The following MMP1 variants were observed in gnomAD, a reference collection of about 807,000 sequenced individuals.
MMP1 encodes the protein interstitial collagenase.
Under a neutral mutation model 49.6 loss-of-function variants are expected in MMP1, and 51 were observed. The ratio of observed to expected loss-of-function variants is 1.03; its 90% CI spans 0.82 to 1.30. The LOEUF (loss-of-function observed/expected upper bound fraction) is 1.30. Ranked by LOEUF, MMP1 falls within the 50% of genes most tolerant of loss-of-function variation. The pLI is 0.00. For synonymous variants in MMP1, 230 were observed against 196.8 expected (o/e 1.17, Z -1.41); for missense variants, 623 against 568.7 (o/e 1.10, Z -0.97).
chr11:102,790,607 G>C (rs551852746), intron 9 of MMP1, 86 bp from the exon 10 acceptor site: 28 of 1,311,892 alleles, frequency 2.1e-5, no homozygotes, highest in Non-Finnish European at 3.0e-5. Flanking sequence ...ATTCATCTGT[G>C]AGCACAGATA....
intron 2 of MMP1, 43 bp from the exon 3 acceptor site, chr11:102,797,205 T>A (rs1422986466): frequency 6.2e-7 from 1 of 1,613,624 alleles, no homozygotes; most frequent in Non-Finnish European, 8.5e-7. Flanking sequence ...CATGACTTCT[T>A]ACCACTGTCA....
At chr11:102,797,879 A>G in intron 1 of MMP1, 109 bp downstream of exon 1, 3 of 853,354 alleles carry the variant, frequency 3.5e-6, no homozygotes, top group Admixed American at 6.0e-5. Context: ...TAGCAAAAAA[A>G]AAAAAAATCT....
chr11:102,797,970 A>G lies in MMP1; in HGVS notation c.105+18T>C. The stretch of plus-strand genomic sequence containing the variant: ...AACTAAAAATTTACATTATTGTCAC[A>G]TGCAATGCAGCATTTACCTGGACTA... On this transcript the variant is annotated intron_variant, in intron 1 of 9. Coordinates refer to ENST00000315274, the MANE Select transcript of MMP1 (RefSeq NM_002421.4). 6.5e-7 allele frequency: 1 copy of G among 1,547,418 alleles called. No homozygotes were observed.
At chr11:102,795,420 C>T in intron 5 of MMP1, 32 bp downstream of exon 5, 1 of 1,609,332 alleles carries the variant, frequency 6.2e-7, no homozygotes, top group Non-Finnish European at 8.5e-7. Flanking sequence ...GACCACCAGG[C>T]CCTTGTCCGT....
intron 6 of MMP1, among the ~76,000 whole-genome samples, chr11:102,793,749 C>T (rs972718976): frequency 6.6e-6 from 1 of 152,152 alleles, no homozygotes; most frequent in Admixed American, 6.5e-5. Flanking sequence ...TTTGTTGTCC[C>T]TTGGTTAGTA....
chr11:102,793,798 T>C (rs17883332), intron 6 of MMP1, among the ~76,000 whole-genome samples: 15 of 152,184 alleles, frequency 9.9e-5, no homozygotes, highest in African/African-American at 3.6e-4. Flanking sequence ...TAATAGGGAC[T>C]AGGGTAACAG....
intron 7 of MMP1, 97 bp from the exon 8 acceptor site, chr11:102,791,592 G>GT: frequency 1.5e-6 from 2 of 1,312,752 alleles, no homozygotes; most frequent in East Asian, 2.3e-5. Context: ...TGCTAGTGCA[G>GT]TACCCTGGCT....
At chr11:102,796,553 A>G (rs1858196203) in intron 4 of MMP1, 111 bp downstream of exon 4, 1 of 1,250,522 alleles carries the variant, frequency 8.0e-7, no homozygotes, top group African/African-American at 1.5e-5. Context: ...TCTGAGTGGT[A>G]ATAGAAAAAT....
chr11:102,797,825 G>A (rs1858244437), intron 1 of MMP1, among the ~76,000 whole-genome samples, 163 bp downstream of exon 1: 1 of 151,668 alleles, frequency 6.6e-6, no homozygotes, highest in Non-Finnish European at 1.5e-5. Context: ...GAAAAAGAGA[G>A]CGTATGCATG....
At position 102,794,728 on chromosome 11, in the gene MMP1, C is replaced by T. The variant is rs1034747290; in HGVS notation, c.899+446G>A. Among the ~76,000 whole-genome samples the T allele has an allele frequency of 3.9e-5, 6 of 152,104 alleles. No individual in the cohort carries two copies. The highest frequency in any genetic ancestry group is 1.4e-4 in the African/African-American group (6 of 41,404). On this transcript the variant is annotated intron_variant, in intron 6 of 9. Transcript: ENST00000315274. The surrounding 1 kb of genome is among the most constrained non-coding windows in gnomAD (Gnocchi z 4.3). ...AGATAATTAAAGGATGGCTATGCAA[C>T]CCTCATCAGTGAGATGTTGCTATGG...
At chr11:102,792,565 T>C in intron 7 of MMP1, 40 bp downstream of exon 7, 1 of 1,595,758 alleles carries the variant, frequency 6.3e-7, no homozygotes, top group Non-Finnish European at 8.6e-7. Context: ...GAATGAAAAA[T>C]TGATTTATTA....
intron 8 of MMP1, 82 bp downstream of exon 8, chr11:102,791,251 A>G (rs531312131): frequency 3.4e-6 from 5 of 1,481,860 alleles, no homozygotes; most frequent in Non-Finnish European, 4.7e-6. Context: ...AGGCAGTTTG[A>G]GACTCACTTT....
At position 102,797,388 on chromosome 11, in the gene MMP1, A is replaced by G. The variant is rs1858226762; in HGVS notation, c.218T>C (p.Leu73Pro). 1 of 1,614,078 alleles carries G rather than the reference A, an allele frequency of 6.2e-7. No homozygotes were observed. The highest frequency in any genetic ancestry group is 8.5e-7 in the Non-Finnish European group (1 of 1,180,038). Residue 73 changes from leucine to proline, a missense_variant, in exon 2 of 10, where the codon CTG (leucine) becomes CCG (proline). Coordinates refer to ENST00000315274, the MANE Select transcript of MMP1 (RefSeq NM_002421.4). ...AGCATCTGGTTTCCCAGTCACTTTC[A>G]GCCCAAAGAATTCCTGCATTTGCTT... is the stretch of plus-strand genomic sequence containing the variant. Reference protein sequence around the residue: ...KLKQMQEFFGLKVTGKPDAET... With the variant: ...KLKQMQEFFGPKVTGKPDAET...
At position 102,794,822 on chromosome 11, in the gene MMP1, G is replaced by T. The variant is rs183080845; in HGVS notation, c.899+352C>A. Among the ~76,000 whole-genome samples the T allele has an allele frequency of 5.7e-4, 87 of 152,266 alleles. No individual in the cohort carries two copies. Among genetic ancestry groups the T allele is most frequent in the African/African-American group, 1.9e-3 (80 of 41,554 alleles). On this transcript the variant is annotated intron_variant, in intron 6 of 9. Transcript: ENST00000315274. This position sits in a 1 kb window ranked among gnomAD's most constrained non-coding sequence, Gnocchi z 4.3. ...CATAAAGAGTGGCATAATGAAAAGA[G>T]ACCTGAAATAGGGAACAGAAGACCA...
At chr11:102,796,260 A>G (rs1441800128) in intron 4 of MMP1, among the ~76,000 whole-genome samples, 1 of 152,188 alleles carries the variant, frequency 6.6e-6, no homozygotes, top group African/African-American at 2.4e-5. Flanking sequence ...AATATTTAAT[A>G]TTTTTCTTAT....
At chr11:102,796,929 C>A (rs1380194890) in intron 3 of MMP1, 85 bp downstream of exon 3, 3 of 1,542,952 alleles carry the variant, frequency 1.9e-6, no homozygotes, top group Non-Finnish European at 2.6e-6. Context: ...ATAAAATCAA[C>A]ATTCATCTTA....
rs1340856577 is a variant in MMP1, at chr11:102,790,155, T to A, written c.*257A>T. On this transcript the variant is annotated 3_prime_UTR_variant, in exon 10 of 10. Transcript: ENST00000315274. ...AGTTGCATACTCTGGAAAAGATCTT[T>A]GCAACTCTGGCCTATATGAATCCAT... is the stretch of plus-strand genomic sequence containing the variant. The A allele has an allele frequency of 7.4e-6, 2 of 271,852 alleles. No individual in the cohort carries two copies. Among genetic ancestry groups the A allele is most frequent in the Non-Finnish European group, 1.4e-5 (2 of 145,540 alleles). The allele number at this position is 271,852 out of a possible 1,614,324, so 16.8% of individuals were successfully genotyped here. A position where few individuals can be genotyped will look rare whatever the true frequency, so the allele number is the denominator to read the frequency against.
chr11:102,797,438 A>G lies in MMP1; in HGVS notation c.168T>C (p.Asn56=), dbSNP rs1565213298. ...NDGRQVEKRR[N]SGPVVEKLKQ... ...TCAATTTTTCAACCACTGGGCCACT[A>G]TTTCTCCGCTTTTCAACTTGCCTCC... Residue 56 remains asparagine (N), a synonymous_variant, in exon 2 of 10, where the codon AAT becomes AAC. Coordinates refer to ENST00000315274, the MANE Select transcript of MMP1 (RefSeq NM_002421.4). 2 of 1,614,060 alleles carry G rather than the reference A, an allele frequency of 1.2e-6. No individual in the cohort carries two copies. The highest frequency in any genetic ancestry group is 4.5e-5 in the East Asian group (2 of 44,882).
intron 8 of MMP1, 48 bp from the exon 9 acceptor site, chr11:102,790,854 C>A (rs1452450307): frequency 1.0e-6 from 1 of 999,456 alleles, no homozygotes. Flanking sequence ...TAAACATGTG[C>A]ACTCTGAAAA....
Sources: allele counts gnomAD v4.1 joint callset (sites outside exome capture counted in the v4.1 genomes callset), GRCh38; gene constraint gnomAD v4.1.1; non-coding constraint Gnocchi (gnomAD v3.1); transcripts MANE v1.5; gene names NCBI Gene and HGNC (gene_info 2026-07-23, HGNC 2026-07-21).